Variants in TBC1D5 observed in about 807,000 individuals in gnomAD.
TBC1D5 encodes TBC1 domain family, member 5.
TBC1D5 carries 75 observed loss-of-function variants against 100.3 expected under a neutral mutation model. The ratio of observed to expected loss-of-function variants is 0.75; its 90% CI spans 0.62 to 0.91. The LOEUF (loss-of-function observed/expected upper bound fraction) is 0.91. Among genes scored for constraint, TBC1D5 ranks in the 40% least tolerant of loss-of-function variants. TBC1D5 has a pLI of 0.00. For missense variants in TBC1D5, 910 were observed against 942.4 expected (o/e 0.97, Z 0.45); for synonymous variants, 323 against 325.6 (o/e 0.99, Z 0.09).
rs531303726 is a variant in TBC1D5 at position 17,492,782 on chromosome 3, G to A, written c.97+15692C>T. On this transcript the variant is annotated intron_variant, in intron 3 of 21. Transcript: ENST00000253692. Reference sequence around the variant, plus strand: ...GCTTCAGCTGCGTCCCAGAGATTCTGGTACATTGTCTCTTTTCTCATTAGT... The same window carrying A: ...GCTTCAGCTGCGTCCCAGAGATTCTAGTACATTGTCTCTTTTCTCATTAGT... Among the ~76,000 whole-genome samples the A allele has an allele frequency of 9.9e-5, 15 of 152,196 alleles. No homozygotes were observed. In the East Asian group the frequency reaches 2.5e-3, roughly 25 times the overall value.
At chr3:17,445,698 T>C (rs2094774445) in intron 3 of TBC1D5, among the ~76,000 whole-genome samples, 2 of 152,222 alleles carry the variant, frequency 1.3e-5, no homozygotes, top group Non-Finnish European at 1.5e-5. Flanking sequence ...ATTTTATTAG[T>C]AGCATGGTTG....
intron 3 of TBC1D5, among the ~76,000 whole-genome samples, chr3:17,456,114 G>C (rs1017717359): frequency 6.6e-6 from 1 of 152,104 alleles, no homozygotes; most frequent in African/African-American, 2.4e-5. Context: ...AATGAAACTA[G>C]AGCCCTATCT....
chr3:17,196,282 T>TA (rs2070674432), intron 18 of TBC1D5, among the ~76,000 whole-genome samples: 1 of 152,108 alleles, frequency 6.6e-6, no homozygotes, highest in East Asian at 1.9e-4. Flanking sequence ...CCCAGCTACT[T>TA]ATTACAAGTG....
At chr3:17,577,418 C>T (rs2096664334) in intron 2 of TBC1D5, among the ~76,000 whole-genome samples, 1 of 151,960 alleles carries the variant, frequency 6.6e-6, no homozygotes, top group Non-Finnish European at 1.5e-5. Flanking sequence ...CAGTGCAGAT[C>T]TAGGTAAACA....
exon 1 of TBC1D5, chr3:17,739,733 G>C (rs964604617): frequency 6.6e-6 from 1 of 152,194 alleles, no homozygotes. Context: ...GTGTGATCCT[G>C]GTGGATCACG....
At chr3:17,292,064 A>C in intron 14 of TBC1D5, 63 bp from the exon 15 acceptor site, 2 of 1,386,222 alleles carry the variant, frequency 1.4e-6, no homozygotes, top group Non-Finnish European at 2.0e-6. Context: ...ATTGCTGAGA[A>C]TATAAAATCT....
chr3:17,425,430 C>T (rs1489486907), intron 4 of TBC1D5, among the ~76,000 whole-genome samples: 1 of 152,160 alleles, frequency 6.6e-6, no homozygotes, highest in Non-Finnish European at 1.5e-5. Flanking sequence ...AGTTTGAGAC[C>T]ATCCCGGGCA....
intron 1 of TBC1D5, among the ~76,000 whole-genome samples, chr3:17,689,576 A>C (rs2070810843): frequency 6.6e-6 from 1 of 152,040 alleles, no homozygotes; most frequent in South Asian, 2.1e-4. Context: ...GGGAATTCAT[A>C]ACAAAATGTA....
At chr3:17,197,844 C>T (rs908692319) in intron 18 of TBC1D5, among the ~76,000 whole-genome samples, 26 of 152,092 alleles carry the variant, frequency 1.7e-4, no homozygotes, top group Non-Finnish European at 2.6e-4. Flanking sequence ...CAAGACCAGC[C>T]TGGGCAACAT....
At chr3:17,290,005 T>G (rs763971924) in intron 15 of TBC1D5, among the ~76,000 whole-genome samples, 4 of 152,214 alleles carry the variant, frequency 2.6e-5, no homozygotes, top group Non-Finnish European at 5.9e-5. Flanking sequence ...TACACAGCTT[T>G]CTTTACTTTT....
At chr3:17,690,656 C>T (rs2153828137) in intron 1 of TBC1D5, among the ~76,000 whole-genome samples, 1 of 152,316 alleles carries the variant, frequency 6.6e-6, no homozygotes, top group Admixed American at 6.5e-5. Flanking sequence ...ACAGCAGTGG[C>T]ATTAGATTCT....
chr3:17,531,238 C>T (rs1174327863), intron 2 of TBC1D5, among the ~76,000 whole-genome samples: 1 of 152,126 alleles, frequency 6.6e-6, no homozygotes, highest in Admixed American at 6.5e-5. Flanking sequence ...TTCACAATTG[C>T]TTCAAAGAGA....
At chr3:17,403,794 A>G (rs73156387) in intron 7 of TBC1D5, among the ~76,000 whole-genome samples, 13,872 of 152,122 alleles carry the variant, frequency 0.091, 1,427 homozygotes, top group African/African-American at 0.26. Flanking sequence ...AGAAACTAGT[A>G]TATATTCTCA....
At chr3:17,578,905 A>T (rs879795493) in intron 2 of TBC1D5, among the ~76,000 whole-genome samples, 4 of 152,034 alleles carry the variant, frequency 2.6e-5, no homozygotes, top group Admixed American at 6.6e-5. Context: ...AAATAATCCA[A>T]AACCCTGAAA....
At chr3:17,495,707 A>G (rs2095698651) in intron 3 of TBC1D5, among the ~76,000 whole-genome samples, 1 of 152,242 alleles carries the variant, frequency 6.6e-6, no homozygotes, top group African/African-American at 2.4e-5. Flanking sequence ...ATAGGCTATT[A>G]GTAAATTCTT....
At chr3:17,330,676 T>C (rs1055966516) in intron 13 of TBC1D5, among the ~76,000 whole-genome samples, 1 of 152,166 alleles carries the variant, frequency 6.6e-6, no homozygotes, top group Admixed American at 6.5e-5. Context: ...TGCTTAACCA[T>C]TTATCTGCTA....
intron 1 of TBC1D5, among the ~76,000 whole-genome samples, chr3:17,673,311 CT>C (rs374496313): frequency 0.019 from 2,450 of 125,932 alleles, 26 homozygotes; most frequent in South Asian, 0.048. Context: ...CTTTTCTTTT[CT>C]TTTTTTTTTT....
chr3:17,281,562 T>C (rs2080600543), intron 15 of TBC1D5, among the ~76,000 whole-genome samples: 1 of 152,234 alleles, frequency 6.6e-6, no homozygotes, highest in Non-Finnish European at 1.5e-5. Context: ...GAGAAAATCT[T>C]GCAGTATGAT....
chr3:17,233,729 T>C lies in TBC1D5; in HGVS notation c.1588+4434A>G, dbSNP rs199919514. On this transcript the variant is annotated intron_variant, in intron 17 of 21. Coordinates refer to ENST00000253692, the Ensembl canonical transcript of TBC1D5. ...CTGGACAGGAACAGAAACCTGAGCA[T>C]CGCTTCCTGTAACTACATCGCCTGG... 1,741 of 1,545,802 alleles carry C rather than the reference T, an allele frequency of 1.1e-3. 3 individuals carry two copies. Among genetic ancestry groups the C allele is most frequent in the Non-Finnish European group, 1.3e-3 (1,453 of 1,143,750 alleles).
Sources: gnomAD v4.1 joint callset for allele counts (sites outside exome capture counted in the v4.1 genomes callset) on GRCh38, gnomAD v4.1.1 for gene constraint, MANE v1.5 for transcripts, NCBI Gene and HGNC (gene_info 2026-07-23, HGNC 2026-07-21) for gene names.